The following RBFOX1 variants were observed in gnomAD, a reference collection of about 807,000 sequenced individuals.
RBFOX1 encodes RNA binding protein fox-1 homolog 1.
In RBFOX1, 8 loss-of-function variants were observed where a neutral mutation model predicts 57.7. The observed-to-expected ratio is 0.14, with a 90% CI of 0.08 to 0.25. The LOEUF (loss-of-function observed/expected upper bound fraction) is 0.25. RBFOX1 is among the 10% of genes least tolerant of loss of function. RBFOX1 has a pLI of 1.00. For synonymous variants in RBFOX1, 326 were observed against 222.4 expected, an observed-to-expected ratio of 1.47 and a Z score of -4.15; for missense variants, 611 against 548.5, an observed-to-expected ratio of 1.11 and a Z score of -1.14.
At chr16:6,143,146 A>G (rs28514904) in intron 1 of RBFOX1, among the ~76,000 whole-genome samples, 4,821 of 152,264 alleles carry the variant, frequency 0.032, 279 homozygotes, top group African/African-American at 0.11. Flanking sequence ...TTGTCCAAAG[A>G]TTTCCCTCTT....
Position 6,260,245 on chromosome 16 carries a change from C to T in RBFOX1, c.-126-56750C>T, listed in dbSNP as rs1049819513. Reference sequence around the variant, plus strand: ...TGATATATTGCCGCAGAATTAAACACGCTTTTCTTTGTCATTGCTGGGCAG... The same window carrying T: ...TGATATATTGCCGCAGAATTAAACATGCTTTTCTTTGTCATTGCTGGGCAG... On this transcript the variant is annotated intron_variant, in intron 1 of 15. Coordinates refer to ENST00000550418, the MANE Select transcript of RBFOX1 (RefSeq NM_018723.4). Among the ~76,000 whole-genome samples the T allele has an allele frequency of 7.2e-5, 11 of 152,148 alleles. No individual in the cohort carries two copies. In the South Asian group the frequency reaches 1.0e-3, roughly 14 times the overall value.
At chr16:6,578,528 C>T (rs1870707640) in intron 2 of RBFOX1, among the ~76,000 whole-genome samples, 2 of 151,726 alleles carry the variant, frequency 1.3e-5, no homozygotes, top group South Asian at 2.1e-4. Context: ...TTACTCAGCA[C>T]AAGCATTCTG....
chr16:7,014,707 A>G (rs2093819671), intron 3 of RBFOX1, among the ~76,000 whole-genome samples: 1 of 151,990 alleles, frequency 6.6e-6, no homozygotes, highest in Non-Finnish European at 1.5e-5. Flanking sequence ...GTGGATGATA[A>G]ACTAGAAGCC....
chr16:7,064,038 A>G (rs1433206273), intron 4 of RBFOX1, among the ~76,000 whole-genome samples: 4 of 152,166 alleles, frequency 2.6e-5, no homozygotes, highest in Admixed American at 6.5e-5. Context: ...CAAAAGTCAT[A>G]CATGGAAGTT....
At chr16:5,319,510 A>G (rs1377557986) in intron 1 of RBFOX1, among the ~76,000 whole-genome samples, 1 of 152,152 alleles carries the variant, frequency 6.6e-6, no homozygotes, top group Non-Finnish European at 1.5e-5. Flanking sequence ...CTCAGGAGCC[A>G]TCTCCAAGAA....
intron 4 of RBFOX1, among the ~76,000 whole-genome samples, chr16:7,382,318 C>A (rs748539783): frequency 2.6e-5 from 4 of 152,114 alleles, no homozygotes; most frequent in Non-Finnish European, 5.9e-5. Flanking sequence ...TAAAGCTATC[C>A]ACAGCCCTCA....
At chr16:5,640,741 TACAC>T (rs1208094147) in intron 3 of RBFOX1, among the ~76,000 whole-genome samples, 2 of 145,056 alleles carry the variant, frequency 1.4e-5, no homozygotes, top group South Asian at 2.2e-4. Flanking sequence ...CCCATGCACA[TACAC>T]ACATGTACAC....
At chr16:5,921,799 A>G (rs569030136) in intron 4 of RBFOX1, among the ~76,000 whole-genome samples, 3 of 152,198 alleles carry the variant, frequency 2.0e-5, no homozygotes, top group African/African-American at 7.2e-5. Flanking sequence ...CAGGTGCATG[A>G]CATGGCGTGA....
chr16:6,193,309 G>C (rs2097153609), intron 1 of RBFOX1, among the ~76,000 whole-genome samples: 1 of 141,610 alleles, frequency 7.1e-6, no homozygotes, highest in Non-Finnish European at 1.5e-5. Flanking sequence ...TGGGAGTTAA[G>C]AAATTTGACA....
chr16:6,263,589 A>G (rs1315881791), intron 1 of RBFOX1, among the ~76,000 whole-genome samples: 1 of 152,170 alleles, frequency 6.6e-6, no homozygotes, highest in African/African-American at 2.4e-5. Context: ...TTCAACAAGA[A>G]CTAGTCTCCC....
At chr16:7,406,721 C>T (rs1448222104) in intron 4 of RBFOX1, among the ~76,000 whole-genome samples, 3 of 152,190 alleles carry the variant, frequency 2.0e-5, no homozygotes, top group African/African-American at 2.4e-5. Context: ...CTACAAATTC[C>T]GTGGCTTACA....
At chr16:7,206,384 C>T (rs1000049811) in intron 4 of RBFOX1, among the ~76,000 whole-genome samples, 7 of 151,750 alleles carry the variant, frequency 4.6e-5, no homozygotes, top group Non-Finnish European at 8.8e-5. Flanking sequence ...ACACTACATG[C>T]ATTTTTAGCA....
chr16:5,833,427 G>A (rs745713118), intron 3 of RBFOX1, among the ~76,000 whole-genome samples: 4 of 150,942 alleles, frequency 2.7e-5, no homozygotes, highest in Non-Finnish European at 5.9e-5. Flanking sequence ...CCCGGGAGGC[G>A]GAGCTTGCCG....
At chr16:5,496,126 AAAAAG>A (rs374522833) in intron 2 of RBFOX1, among the ~76,000 whole-genome samples, 39 of 130,794 alleles carry the variant, frequency 3.0e-4, no homozygotes, top group East Asian at 1.2e-3. Flanking sequence ...ACTCCATCTC[AAAAAG>A]AAAAGAAAAG....
At chr16:7,043,180 C>A (rs1008976576) in intron 3 of RBFOX1, among the ~76,000 whole-genome samples, 1 of 152,146 alleles carries the variant, frequency 6.6e-6, no homozygotes, top group Non-Finnish European at 1.5e-5. Context: ...GCTCCAGAAA[C>A]AACTGACTGA....
At chr16:7,596,757 C>G (rs567956874) in intron 8 of RBFOX1, among the ~76,000 whole-genome samples, 6 of 152,120 alleles carry the variant, frequency 3.9e-5, no homozygotes, top group Non-Finnish European at 8.8e-5. Context: ...ATTGTTAACC[C>G]CATATTGTGT....
At chr16:6,915,608 T>G in intron 3 of RBFOX1, among the ~76,000 whole-genome samples, 1 of 146,398 alleles carries the variant, frequency 6.8e-6, no homozygotes, top group South Asian at 2.3e-4. Context: ...TGGAGTGCAG[T>G]GCCATGATCT....
rs932436152 is a variant in RBFOX1, at chr16:7,054,563, G to A, written c.27+2465G>A. ...ACCTGGGTGGGGGGGCATTTTTTAA[G>A]GGTTTCTGAAAGGAATTTAGAACTG... On this transcript the variant is annotated intron_variant, in intron 4 of 15. Coordinates refer to ENST00000550418, the MANE Select transcript of RBFOX1 (RefSeq NM_018723.4). Among the ~76,000 whole-genome samples, 3 of 135,322 alleles carry A rather than the reference G, an allele frequency of 2.2e-5. No individual in the cohort carries two copies. In the Admixed American group the frequency reaches 2.3e-4, roughly 11 times the overall value. 88.8% of individuals were successfully genotyped at this position (135,322 alleles called of 152,430 possible).
intron 3 of RBFOX1, among the ~76,000 whole-genome samples, chr16:6,823,255 T>C (rs1333719304): frequency 2.6e-5 from 4 of 151,816 alleles, no homozygotes; most frequent in South Asian, 2.1e-4. Context: ...GTTTTCTTTT[T>C]TTTTTTTCTT....
Sources: gnomAD v4.1 joint callset for allele counts (sites outside exome capture counted in the v4.1 genomes callset) on GRCh38, gnomAD v4.1.1 for gene constraint, MANE v1.5 for transcripts, NCBI Gene and HGNC (gene_info 2026-07-23, HGNC 2026-07-21) for gene names.